The following CDH3 variants were observed in gnomAD, a reference collection of about 807,000 sequenced individuals.
CDH3 encodes the protein cadherin 3.
Under a neutral mutation model 82.0 loss-of-function variants are expected in CDH3, and 54 were observed. The ratio of observed to expected loss-of-function variants is 0.66; its 90% CI spans 0.53 to 0.83. The LOEUF is 0.83. Among genes scored for constraint, CDH3 ranks in the 40% least tolerant of loss-of-function variants. The pLI is 0.00. For missense variants in CDH3, 1,054 were observed against 1,084.6 expected (o/e 0.97, Z 0.40); for synonymous variants, 446 against 437.9 (o/e 1.02, Z -0.23).
In CDH3 at chr16:68,676,876, C is replaced by G. The variant is rs16958280; in HGVS notation, c.246+406C>G. Reference sequence around the variant, plus strand: ...ACATCTGGGGTGCTTGGCCACACTTCGTTTTAATTTTTGAATAGCTAATAT... The same window carrying G: ...ACATCTGGGGTGCTTGGCCACACTTGGTTTTAATTTTTGAATAGCTAATAT... On this transcript the variant is annotated intron_variant, in intron 3 of 15. Coordinates refer to ENST00000264012, the MANE Select transcript of CDH3 (RefSeq NM_001793.6). Among the ~76,000 whole-genome samples, 583 of 152,210 alleles carry G rather than the reference C, an allele frequency of 3.8e-3. 3 individuals carry two copies. Among genetic ancestry groups the G allele is most frequent in the African/African-American group, 0.014 (569 of 41,528 alleles).
intron 1 of CDH3, among the ~76,000 whole-genome samples, chr16:68,708,795 C>T (rs1961994998): frequency 2.0e-5 from 3 of 152,072 alleles, no homozygotes; most frequent in Admixed American, 6.5e-5. Context: ...AGGCACCTGC[C>T]ACCACACCTG....
At chr16:68,680,922 C>G in intron 7 of CDH3, 46 bp from the exon 8 acceptor site, 1 of 1,612,208 alleles carries the variant, frequency 6.2e-7, no homozygotes, top group South Asian at 1.1e-5. Flanking sequence ...GGGAGGGACC[C>G]TTCAGATTAA....
intron 1 of CDH3, among the ~76,000 whole-genome samples, chr16:68,711,832 C>T (rs1027260821): frequency 6.6e-6 from 1 of 151,968 alleles, no homozygotes; most frequent in African/African-American, 2.4e-5. Context: ...CTTTCAGTAT[C>T]GGACAGTGGA....
chr16:68,676,258 A>T, intron 2 of CDH3, 127 bp from the exon 3 acceptor site: 1 of 727,228 alleles, frequency 1.4e-6, no homozygotes, highest in Non-Finnish European at 2.5e-6. Flanking sequence ...AAGTAAGCCA[A>T]GTCTCCCTTC....
chr16:68,721,437 T>C (rs1423986653), intron 1 of CDH3, among the ~76,000 whole-genome samples: 1 of 151,992 alleles, frequency 6.6e-6, no homozygotes, highest in East Asian at 1.9e-4. Context: ...TTTCACCATA[T>C]TGGCCAGGCT....
rs1961717640 is a variant in CDH3, at chr16:68,696,201, A to G, written c.2280+278A>G. On this transcript the variant is annotated intron_variant, in intron 15 of 15. Transcript: ENST00000264012. ...TTTGGGAGGCTGAGACGGGTGAATCATGAGGTCAGGAGTTCAAGACCAGCC... is the reference window on the plus strand; with the variant it reads ...TTTGGGAGGCTGAGACGGGTGAATCGTGAGGTCAGGAGTTCAAGACCAGCC... The G allele has an allele frequency of 1.9e-5, 8 of 431,386 alleles. No individual in the cohort carries two copies. The Admixed American group carries it at 2.7e-4, about 14-fold the overall frequency. The allele number at this position is 431,386 out of a possible 1,614,324, so 26.7% of individuals were successfully genotyped here. A position where few individuals can be genotyped will look rare whatever the true frequency, so the allele number is the denominator to read the frequency against.
intron 9 of CDH3, among the ~76,000 whole-genome samples, chr16:68,683,651 CAAAAAAAAAAAAA>C (rs1199101103): frequency 2.9e-5 from 2 of 69,884 alleles, no homozygotes; most frequent in African/African-American, 1.3e-4. Context: ...GACTCTGTCT[CAAAAAAAAAAAAA>C]AAAAAAAAAA....
chr16:68,709,649 AG>A (rs2152109812), intron 1 of CDH3, among the ~76,000 whole-genome samples: 1 of 152,082 alleles, frequency 6.6e-6, no homozygotes, highest in South Asian at 2.1e-4. Flanking sequence ...AGTGGAGACA[AG>A]GTTTCGCCAT....
intron 13 of CDH3, 25 bp downstream of exon 13, chr16:68,691,951 C>A (rs1360753564): frequency 1.9e-6 from 3 of 1,570,630 alleles, no homozygotes; most frequent in East Asian, 2.2e-5. Flanking sequence ...CCCACCCCCT[C>A]CCTGAGGATG....
At chr16:68,649,776 G>A (rs961938504) in intron 2 of CDH3, among the ~76,000 whole-genome samples, 4 of 152,176 alleles carry the variant, frequency 2.6e-5, no homozygotes, top group African/African-American at 7.2e-5. Flanking sequence ...GCTCACGGCT[G>A]TAATCCCAGC....
chr16:68,696,005 A>C, intron 15 of CDH3, 82 bp downstream of exon 15: 1 of 1,481,704 alleles, frequency 6.7e-7, no homozygotes, highest in Non-Finnish European at 9.3e-7. Flanking sequence ...ATGGGCCTGG[A>C]GTCTTGGGTC....
At chr16:68,715,456 GC>G (rs1962083590) in intron 1 of CDH3, among the ~76,000 whole-genome samples, 1 of 149,756 alleles carries the variant, frequency 6.7e-6, no homozygotes. Context: ...TCCAGCTCTT[GC>G]CCACTCCACA....
chr16:68,731,796 C>T (rs1048594630), downstream of CDH3, among the ~76,000 whole-genome samples: 2 of 151,912 alleles, frequency 1.3e-5, no homozygotes, highest in African/African-American at 4.8e-5. Context: ...CGAGATTGGG[C>T]CACTGTACTC....
intron 2 of CDH3, among the ~76,000 whole-genome samples, chr16:68,674,026 T>A (rs1202974237): frequency 6.6e-6 from 1 of 152,208 alleles, no homozygotes; most frequent in African/African-American, 2.4e-5. Context: ...TTGAATCCTT[T>A]TGGTTCTTTC....
intron 1 of CDH3, 63 bp from the exon 2 acceptor site, chr16:68,645,573 T>G (rs1960028700): frequency 6.9e-7 from 1 of 1,454,568 alleles, no homozygotes; most frequent in Non-Finnish European, 9.3e-7. Context: ...CCCTGCGGTG[T>G]GGGGAGTGCA....
At chr16:68,704,956 G>A (rs1354461572), downstream of CDH3, among the ~76,000 whole-genome samples, 1 of 152,074 alleles carries the variant, frequency 6.6e-6, no homozygotes, top group Non-Finnish European at 1.5e-5. Context: ...CCAGCTACTC[G>A]GGAGGCTGAG....
At chr16:68,692,577 T>A (rs1304111914) in intron 13 of CDH3, among the ~76,000 whole-genome samples, 8 of 152,170 alleles carry the variant, frequency 5.3e-5, no homozygotes, top group African/African-American at 1.7e-4. Flanking sequence ...ACTTACTGAT[T>A]CAGAAATTTA....
At chr16:68,730,475 G>A (rs943954770), downstream of CDH3, among the ~76,000 whole-genome samples, 3 of 151,848 alleles carry the variant, frequency 2.0e-5, no homozygotes, top group Non-Finnish European at 2.9e-5. Context: ...GCGTTGAGCC[G>A]AGATCACGTC....
chr16:68,664,477 A>G (rs1336641914), intron 2 of CDH3, among the ~76,000 whole-genome samples: 2 of 152,204 alleles, frequency 1.3e-5, no homozygotes, highest in Non-Finnish European at 2.9e-5. Context: ...CTGACTCAGT[A>G]GAAGTGATAG....
Sources: gnomAD v4.1 joint callset for allele counts (sites outside exome capture counted in the v4.1 genomes callset) on GRCh38, gnomAD v4.1.1 for gene constraint, MANE v1.5 for transcripts, NCBI Gene and HGNC (gene_info 2026-07-23, HGNC 2026-07-21) for gene names.